RELL1: variants seen among roughly 807,000 people sequenced by gnomAD.
RELL1 encodes the protein RELT like 1.
RELL1 carries 10 observed loss-of-function variants against 23.0 expected under a neutral mutation model. The ratio of observed to expected loss-of-function variants is 0.43; its 90% CI spans 0.27 to 0.74. RELL1 has a LOEUF of 0.74. Among genes scored for constraint, RELL1 ranks in the 30% least tolerant of loss-of-function variants. The pLI, the probability that RELL1 is intolerant of heterozygous loss-of-function variation, is 0.19. For missense variants in RELL1, 315 were observed against 364.4 expected (o/e 0.86, Z 1.10); for synonymous variants, 146 against 146.8 (o/e 0.99, Z 0.04).
At chr4:37,673,221 A>C (rs1171207272) in intron 1 of RELL1, among the ~76,000 whole-genome samples, 2 of 82,898 alleles carry the variant, frequency 2.4e-5, no homozygotes, top group African/African-American at 9.3e-5. Context: ...ACAGGGTTTC[A>C]CTCTGTAGCC....
chr4:37,674,713 A>G (rs1721962517), intron 1 of RELL1, among the ~76,000 whole-genome samples: 1 of 146,776 alleles, frequency 6.8e-6, no homozygotes, highest in Admixed American at 6.9e-5. Context: ...ACATTTGAAA[A>G]TTAGTGTTCC....
chr4:37,623,793 C>T (rs1719849400), intron 6 of RELL1, among the ~76,000 whole-genome samples: 1 of 152,188 alleles, frequency 6.6e-6, no homozygotes, highest in Admixed American at 6.5e-5. Context: ...TCCATGCCTA[C>T]TTTAGGTGCA....
downstream of RELL1, among the ~76,000 whole-genome samples, chr4:37,606,702 G>T (rs557896589): frequency 3.3e-5 from 5 of 152,294 alleles, no homozygotes; most frequent in Admixed American, 3.3e-4. The surrounding 1 kb of genome is among the most constrained non-coding windows in gnomAD (Gnocchi z 4.1). Context: ...TCAGGGTCTG[G>T]CTTTTTAGAC....
At chr4:37,614,499 G>A (rs948311433) in intron 6 of RELL1, among the ~76,000 whole-genome samples, 1 of 152,054 alleles carries the variant, frequency 6.6e-6, no homozygotes, top group African/African-American at 2.4e-5. Flanking sequence ...AATGAAATAC[G>A]TAATACCCTG....
In RELL1 at chr4:37,653,209, G is replaced by A. The variant is rs569332937; in HGVS notation, c.89-3709C>T. 3.0e-4 allele frequency among the ~76,000 whole-genome samples: 46 copies of A among 152,240 alleles called. 1 individual carries two copies. The South Asian group carries it at 9.3e-3, about 31-fold the overall frequency. ...CTACTCCATGCTCACCTTATCTTAG[G>A]TAAAGTGCTGACTGACTGACATAAT... On this transcript the variant is annotated intron_variant, in intron 1 of 6. Transcript: ENST00000454158.
chr4:37,607,766 T>G (rs1246695834), downstream of RELL1, among the ~76,000 whole-genome samples: 3 of 151,840 alleles, frequency 2.0e-5, no homozygotes, highest in Non-Finnish European at 4.4e-5. Flanking sequence ...TTTTTTTGTA[T>G]GTTAGTAAAG....
chr4:37,597,171 C>T (rs1240370779), intron 6 of RELL1, among the ~76,000 whole-genome samples: 1 of 152,198 alleles, frequency 6.6e-6, no homozygotes, highest in Non-Finnish European at 1.5e-5. Flanking sequence ...CTCACCTGTG[C>T]TGCCCTCTGA....
intron 3 of RELL1, among the ~76,000 whole-genome samples, chr4:37,640,457 G>A (rs1336087127): frequency 6.6e-6 from 1 of 152,098 alleles, no homozygotes; most frequent in African/African-American, 2.4e-5. Flanking sequence ...TACTAGGTTT[G>A]GATATACAAT....
At chr4:37,635,182 A>T in intron 4 of RELL1, 59 bp from the exon 5 acceptor site, 1 of 1,336,482 alleles carries the variant, frequency 7.5e-7, no homozygotes. Flanking sequence ...AGCGAAGGTG[A>T]TCTCTCTCCC....
intron 1 of RELL1, among the ~76,000 whole-genome samples, chr4:37,652,768 T>C (rs1720993603): frequency 6.6e-6 from 1 of 152,160 alleles, no homozygotes; most frequent in East Asian, 1.9e-4. Context: ...CTTACAAACA[T>C]GTGTCATTCA....
intron 1 of RELL1, among the ~76,000 whole-genome samples, chr4:37,652,301 C>A (rs1239767442): frequency 6.6e-6 from 1 of 152,138 alleles, no homozygotes; most frequent in Admixed American, 6.5e-5. Context: ...AGACAACCTC[C>A]AGAATTTGAA....
chr4:37,681,250 T>C (rs1577614214), intron 1 of RELL1, among the ~76,000 whole-genome samples: 1 of 152,224 alleles, frequency 6.6e-6, no homozygotes, highest in African/African-American at 2.4e-5. Context: ...TTAATATATG[T>C]GGTCCACATT....
intron 1 of RELL1, among the ~76,000 whole-genome samples, chr4:37,676,615 A>T (rs576412573): frequency 6.6e-6 from 1 of 152,218 alleles, no homozygotes; most frequent in Non-Finnish European, 1.5e-5. Context: ...GTTTGTCATT[A>T]TCATTCATTT....
chr4:37,626,040 G>A (rs1333183821), intron 6 of RELL1, among the ~76,000 whole-genome samples: 1 of 152,042 alleles, frequency 6.6e-6, no homozygotes, highest in African/African-American at 2.4e-5. Context: ...AAACTATAAT[G>A]AGATAATACC....
intron 6 of RELL1, among the ~76,000 whole-genome samples, chr4:37,601,131 C>T (rs1333419467): frequency 6.6e-6 from 1 of 152,190 alleles, no homozygotes; most frequent in Non-Finnish European, 1.5e-5. Context: ...AGGCAGTTGA[C>T]CTGCCATCAG....
At chr4:37,624,853 A>ATG (rs762833814) in intron 6 of RELL1, among the ~76,000 whole-genome samples, 1 of 152,208 alleles carries the variant, frequency 6.6e-6, no homozygotes, top group African/African-American at 2.4e-5. Context: ...TGTTCTTAAG[A>ATG]TGTAAAAAGG....
intron 6 of RELL1, among the ~76,000 whole-genome samples, chr4:37,604,326 G>A (rs577167830): frequency 1.3e-5 from 2 of 151,856 alleles, no homozygotes; most frequent in South Asian, 2.1e-4. Context: ...AACTAAGCCC[G>A]TCGTCCCCAA....
At chr4:37,655,802 C>T (rs1032844166) in intron 1 of RELL1, among the ~76,000 whole-genome samples, 2 of 152,224 alleles carry the variant, frequency 1.3e-5, no homozygotes, top group Admixed American at 6.5e-5. Context: ...TGAGGAAGAA[C>T]AGCCAGAGCT....
At chr4:37,598,093 A>ATATATG (rs529547537) in intron 6 of RELL1, among the ~76,000 whole-genome samples, 1,456 of 144,554 alleles carry the variant, frequency 0.01, 28 homozygotes, top group African/African-American at 0.03. Context: ...ATATATATAT[A>ATATATG]TAACTCCTCC....
Sources: allele counts gnomAD v4.1 joint callset (sites outside exome capture counted in the v4.1 genomes callset), GRCh38; gene constraint gnomAD v4.1.1; non-coding constraint Gnocchi (gnomAD v3.1); transcripts MANE v1.5; gene names NCBI Gene and HGNC (gene_info 2026-07-23, HGNC 2026-07-21).